Variants in POLR1C observed in about 807,000 individuals in gnomAD.
POLR1C encodes DNA-directed RNA polymerases I and III subunit RPAC1.
Under a neutral mutation model 38.3 loss-of-function variants are expected in POLR1C, and 42 were observed. The ratio of observed to expected loss-of-function variants is 1.10; its 90% CI spans 0.86 to 1.42. POLR1C has a LOEUF of 1.42. Ranked by LOEUF, POLR1C falls within the 40% of genes most tolerant of loss-of-function variation. The pLI, the probability that POLR1C is intolerant of heterozygous loss-of-function variation, is 0.00. For synonymous variants in POLR1C, 163 were observed against 163.9 expected, an observed-to-expected ratio of 0.99 and a Z score of 0.04; for missense variants, 507 against 450.5, an observed-to-expected ratio of 1.13 and a Z score of -1.14.
chr6:43,545,859 T>C (rs923557207), intron 9 of POLR1C, among the ~76,000 whole-genome samples: 1 of 152,202 alleles, frequency 6.6e-6, no homozygotes, highest in Non-Finnish European at 1.5e-5. Flanking sequence ...GATAAGCCTA[T>C]ACTGGCCTAC....
intron 10 of POLR1C, chr6:43,558,462 T>C: frequency 1.3e-6 from 2 of 1,528,494 alleles, no homozygotes; most frequent in East Asian, 2.3e-5. Context: ...GATGCCATTC[T>C]GAGACTGTTG....
chr6:43,517,393 G>C lies in POLR1C; in HGVS notation c.141+16G>C. 6.2e-7 allele frequency: 1 copy of C among 1,612,148 alleles called. No individual in the cohort carries two copies. The highest frequency in any genetic ancestry group is 8.5e-7 in the Non-Finnish European group (1 of 1,178,264). ...CTTCGAGAAGGTAAGTGGGGCCGGA[G>C]TTGTCTGGGGAGGGTTATGAAGGCC... is the stretch of plus-strand genomic sequence containing the variant. On this transcript the variant is annotated intron_variant, in intron 2 of 8. Transcript: ENST00000642195.
chr6:43,547,481 AG>A, intron 9 of POLR1C: 1 of 789,398 alleles, frequency 1.3e-6, no homozygotes, highest in Non-Finnish European at 2.2e-6. Context: ...GGAGAAGCTT[AG>A]GGAAGTGGAG....
intron 10 of POLR1C, chr6:43,551,518 A>G: frequency 6.3e-7 from 1 of 1,579,474 alleles, no homozygotes; most frequent in Non-Finnish European, 8.6e-7. Flanking sequence ...CATTTTGGCT[A>G]CATTTTATTT....
downstream of POLR1C, chr6:43,530,630 T>C: frequency 8.2e-6 from 13 of 1,590,356 alleles, no homozygotes; most frequent in Admixed American, 1.8e-5. Context: ...TGACCTGTTT[T>C]GTTTCTCTCT....
intron 9 of POLR1C, among the ~76,000 whole-genome samples, chr6:43,540,457 C>T (rs914719972): frequency 6.6e-6 from 1 of 151,864 alleles, no homozygotes; most frequent in Non-Finnish European, 1.5e-5. Flanking sequence ...CCAGCCTGGA[C>T]GACAGAGCAA....
chr6:43,546,696 A>C, intron 9 of POLR1C: 1 of 1,613,194 alleles, frequency 6.2e-7, no homozygotes, highest in South Asian at 1.1e-5. Context: ...CTTCTAGGTC[A>C]GTGGGCCAGC....
At chr6:43,537,221 C>G (rs971598763) in intron 9 of POLR1C, among the ~76,000 whole-genome samples, 1 of 151,884 alleles carries the variant, frequency 6.6e-6, no homozygotes, top group Admixed American at 6.6e-5. Flanking sequence ...ATCCTCCTGC[C>G]CTGGCCTCCC....
At chr6:43,527,494 G>C (rs946357714) in intron 8 of POLR1C, 18 of 770,350 alleles carry the variant, frequency 2.3e-5, no homozygotes, top group Non-Finnish European at 3.6e-5. Context: ...GGATGGTCTT[G>C]ATCTTTTGAC....
chr6:43,527,932 A>T (rs983808313), intron 8 of POLR1C, among the ~76,000 whole-genome samples: 5 of 152,248 alleles, frequency 3.3e-5, no homozygotes, highest in Non-Finnish European at 7.3e-5. Flanking sequence ...ACATTACAGA[A>T]TTAAAATAAG....
intron 9 of POLR1C, among the ~76,000 whole-genome samples, chr6:43,536,799 A>G (rs1274881441): frequency 7.6e-6 from 1 of 131,198 alleles, no homozygotes; most frequent in Non-Finnish European, 1.6e-5. Flanking sequence ...AAGCAGCTTT[A>G]CTTTTTGGGT....
chr6:43,548,780 CAG>C (rs1382335538), intron 9 of POLR1C, among the ~76,000 whole-genome samples: 1 of 150,958 alleles, frequency 6.6e-6, no homozygotes, highest in African/African-American at 2.4e-5. Context: ...GCTGTGCATT[CAG>C]AGAAGAAATT....
intron 9 of POLR1C, chr6:43,548,505 T>G: frequency 6.9e-7 from 1 of 1,443,078 alleles, no homozygotes; most frequent in Non-Finnish European, 9.2e-7. Context: ...AAAGGTCTGA[T>G]TTTCAAGGAG....
At chr6:43,522,714 C>CT (rs1793270482), downstream of POLR1C, 1 of 502,210 alleles carries the variant, frequency 2.0e-6, no homozygotes, top group Non-Finnish European at 4.1e-6. Flanking sequence ...GGGAAACCCT[C>CT]TTGTCAGTGG....
Position 43,520,089 on chromosome 6 carries a change from G to A in POLR1C, c.406G>A (p.Asp136Asn). 6.2e-7 allele frequency: 1 copy of A among 1,614,182 alleles called. No homozygotes were observed. The highest frequency in any genetic ancestry group is 8.5e-7 in the Non-Finnish European group (1 of 1,180,010). Residue 136 changes from aspartate (D) to asparagine (N), a missense_variant, in exon 5 of 9, where the codon GAT becomes AAT. Physicochemically the swap from Asp to Asn is conservative, Grantham distance 23. Transcript: ENST00000642195. ...AGGAGATGAAGAAGGCACAGAGATA[G>A]ATACTCTACAGTTTCGTCTCCAGGT... The part of the protein sequence containing the change: ...NQGDEEGTEI[D>N]TLQFRLQVRC...
intron 8 of POLR1C, chr6:43,528,204 C>T: frequency 2.5e-6 from 4 of 1,590,638 alleles, no homozygotes; most frequent in Non-Finnish European, 3.4e-6. Flanking sequence ...CTGAGAAAGC[C>T]TCTGGGAAAA....
At chr6:43,561,385 T>C in intron 10 of POLR1C, 1 of 165,988 alleles carries the variant, frequency 6.0e-6, no homozygotes, top group Non-Finnish European at 1.3e-5. Flanking sequence ...TTCTTTTCTT[T>C]TTTTTTTCTT....
At chr6:43,552,420 T>C (rs535316170) in intron 10 of POLR1C, among the ~76,000 whole-genome samples, 1 of 152,074 alleles carries the variant, frequency 6.6e-6, no homozygotes, top group Admixed American at 6.5e-5. Context: ...TGGCGTGATT[T>C]TGGCTCACTG....
At chr6:43,558,643 G>T (rs990794397) in intron 10 of POLR1C, 4 of 1,397,056 alleles carry the variant, frequency 2.9e-6, no homozygotes, top group South Asian at 1.4e-5. Flanking sequence ...CCCACTGAAA[G>T]AGTTTTTAAG....
Sources: gnomAD v4.1 joint callset for allele counts (sites outside exome capture counted in the v4.1 genomes callset) on GRCh38, gnomAD v4.1.1 for gene constraint, MANE v1.5 for transcripts, NCBI Gene and HGNC (gene_info 2026-07-23, HGNC 2026-07-21) for gene names.